Variants in TRPC7 observed in about 807,000 individuals in gnomAD.
TRPC7 encodes transient receptor potential cation channel subfamily C member 7.
A neutral mutation model predicts 90.1 loss-of-function variants in TRPC7; 42 were observed. The observed-to-expected ratio is 0.47, with a 90% CI of 0.36 to 0.60. The LOEUF is 0.60. TRPC7 is among the 20% of genes least tolerant of loss of function. TRPC7 has a pLI of 0.00. For synonymous variants in TRPC7, 451 were observed against 436.3 expected (o/e 1.03, Z -0.42); for missense variants, 955 against 1,112.3 (o/e 0.86, Z 2.01).
intron 3 of TRPC7, among the ~76,000 whole-genome samples, chr5:136,302,083 A>G (rs779912222): frequency 6.6e-6 from 1 of 151,982 alleles, no homozygotes; most frequent in Non-Finnish European, 1.5e-5. Flanking sequence ...CCTTCTCTTA[A>G]TTTCAATTCC....
At position 136,274,847 on chromosome 5, in the gene TRPC7, CAA is replaced by C; in HGVS notation, c.964-12_964-11del. On this transcript the variant is annotated splice_polypyrimidine_tract_variant and intron_variant, in intron 3 of 11. Coordinates refer to ENST00000513104, the MANE Select transcript of TRPC7 (RefSeq NM_020389.3). The stretch of plus-strand genomic sequence containing the variant: ...TAGGATGAGCAACGAACTGTAAAAA[CAA>C]AACAAAAACAAAAACAAAACGCAAA... The C allele has an allele frequency of 1.3e-6, 2 of 1,553,074 alleles. No individual in the cohort carries two copies. Among genetic ancestry groups the C allele is most frequent in the South Asian group, 2.4e-5 (2 of 84,160 alleles).
intron 2 of TRPC7, among the ~76,000 whole-genome samples, chr5:136,321,462 C>T (rs34723227): frequency 9.9e-5 from 15 of 152,262 alleles, no homozygotes; most frequent in Middle Eastern, 6.8e-3. Flanking sequence ...TCTTACGCAT[C>T]GCAGCTTTCC....
chr5:136,286,404 C>T (rs937411490), intron 3 of TRPC7, among the ~76,000 whole-genome samples: 6 of 152,194 alleles, frequency 3.9e-5, no homozygotes, highest in African/African-American at 9.7e-5. Flanking sequence ...TCAGTATCTC[C>T]TGAGACAGTT....
At chr5:136,356,320 A>G (rs1469403132) in intron 2 of TRPC7, among the ~76,000 whole-genome samples, 1 of 152,246 alleles carries the variant, frequency 6.6e-6, no homozygotes, top group African/African-American at 2.4e-5. Flanking sequence ...TTGACATCAG[A>G]ACCACAACAT....
Position 136,356,632 on chromosome 5 carries a change from T to C in TRPC7, c.756A>G (p.Leu252=). Residue 252 remains leucine, a synonymous_variant, in exon 2 of 12, where the codon CTA becomes CTG. Transcript: ENST00000513104. The part of the protein sequence containing the change: ...ALELSNELAR[L]ANIETEFKND... ...CCTTAAATTCAGTCTCAATGTTGGC[T>C]AGTCTGGCTAACTCGTTGCTGAGCT... 7 of 1,544,256 alleles carry C rather than the reference T, an allele frequency of 4.5e-6. No homozygotes were observed. Among genetic ancestry groups the C allele is most frequent in the Non-Finnish European group, 6.1e-6 (7 of 1,145,158 alleles).
intron 2 of TRPC7, among the ~76,000 whole-genome samples, chr5:136,329,476 G>A (rs998196589): frequency 1.5e-4 from 23 of 152,156 alleles, no homozygotes; most frequent in African/African-American, 5.1e-4. Context: ...CGGATATCAC[G>A]GGGTTTCCAA....
At chr5:136,342,770 A>G (rs1034604976) in intron 2 of TRPC7, among the ~76,000 whole-genome samples, 2 of 152,250 alleles carry the variant, frequency 1.3e-5, no homozygotes, top group African/African-American at 4.8e-5. Flanking sequence ...AGGATTCCAA[A>G]TTACTATACA....
At chr5:136,309,007 G>A (rs896037878) in intron 3 of TRPC7, among the ~76,000 whole-genome samples, 2 of 152,218 alleles carry the variant, frequency 1.3e-5, no homozygotes, top group Non-Finnish European at 2.9e-5. Context: ...GGAATAGAAG[G>A]AGGCAAGGGA....
At position 136,254,102 on chromosome 5, in the gene TRPC7, C is replaced by T. The variant is rs1338868751; in HGVS notation, c.1346-2220G>A. 6.6e-5 allele frequency among the ~76,000 whole-genome samples: 10 copies of T among 152,092 alleles called. No homozygotes were observed. The East Asian group carries it at 1.5e-3, about 23-fold the overall frequency. ...GAAAAGTTTGAAGCTAGCAGAGGTT[C>T]GTTCATAAGGTTTGAGGAAAGAAGC... On this transcript the variant is annotated intron_variant, in intron 5 of 11. Transcript: ENST00000513104.
chr5:136,265,260 C>T (rs1186209997), intron 5 of TRPC7, among the ~76,000 whole-genome samples: 1 of 152,098 alleles, frequency 6.6e-6, no homozygotes, highest in Admixed American at 6.5e-5. Flanking sequence ...AGGTGAATAC[C>T]ATTAAGCCAA....
At chr5:136,233,109 T>C (rs975562432) in intron 7 of TRPC7, among the ~76,000 whole-genome samples, 6 of 152,198 alleles carry the variant, frequency 3.9e-5, no homozygotes, top group Non-Finnish European at 8.8e-5. Flanking sequence ...CATGTGTGTG[T>C]GTCTACCCAG....
At chr5:136,297,226 C>A (rs1390676215) in intron 3 of TRPC7, among the ~76,000 whole-genome samples, 1 of 152,132 alleles carries the variant, frequency 6.6e-6, no homozygotes, top group East Asian at 1.9e-4. Context: ...GGATTCAGAT[C>A]TCTGTAACCT....
intron 9 of TRPC7, 125 bp downstream of exon 9, chr5:136,225,909 C>T: frequency 1.3e-6 from 1 of 751,022 alleles, no homozygotes; most frequent in Non-Finnish European, 2.2e-6. Flanking sequence ...AGAGTACCGG[C>T]CCTCCCAGCT....
chr5:136,285,148 G>A (rs1757669812), intron 3 of TRPC7, among the ~76,000 whole-genome samples: 1 of 152,148 alleles, frequency 6.6e-6, no homozygotes, highest in Non-Finnish European at 1.5e-5. Context: ...AGGAGTAATG[G>A]GTCTTGTGAG....
rs1452476875 is a variant in TRPC7 at position 136,251,667 on chromosome 5, C to G, written c.1561G>C (p.Val521Leu). The stretch of plus-strand genomic sequence containing the variant: ...GACTCACCGTAGGTGAAGTATGCCA[C>G]TTCCGGCGGAAGCGAGACATTGTGC... ...TLHNVSLPPEVAYFTYARDKW... is the reference protein window; with the variant it reads ...TLHNVSLPPELAYFTYARDKW... Residue 521 changes from valine (V) to leucine (L), a missense_variant, in exon 6 of 12, where the codon GTG becomes CTG. By Grantham distance (32) the Val-to-Leu change is conservative (BLOSUM62 1). Transcript: ENST00000513104. 6.2e-7 allele frequency: 1 copy of G among 1,608,452 alleles called. No individual in the cohort carries two copies. Among genetic ancestry groups the G allele is most frequent in the Non-Finnish European group, 8.5e-7 (1 of 1,175,894 alleles).
intron 2 of TRPC7, among the ~76,000 whole-genome samples, chr5:136,333,879 G>A (rs1759576345): frequency 6.6e-6 from 1 of 151,968 alleles, no homozygotes; most frequent in African/African-American, 2.4e-5. Flanking sequence ...ATCATGCATT[G>A]CCCATATAAT....
intron 2 of TRPC7, among the ~76,000 whole-genome samples, chr5:136,338,915 A>C (rs77310820): frequency 5.9e-5 from 9 of 152,228 alleles, no homozygotes; most frequent in Non-Finnish European, 7.3e-5. Flanking sequence ...TTGAAAAAAA[A>C]CCACAAAGAT....
chr5:136,357,301 G>T lies in TRPC7; in HGVS notation c.87C>A (p.Pro29=). Residue 29 remains proline, a synonymous_variant, in exon 2 of 12, where the codon CCC becomes CCA. Coordinates refer to ENST00000513104, the MANE Select transcript of TRPC7 (RefSeq NM_020389.3). ...TGCCCTTCTCGTTGAACATGTAGGC[G>T]GGACCCCGGATGGCCTGGCGACGGC... ...EKGRRQAIRG[P]AYMFNEKGTS... is the part of the protein sequence containing the mutation. 6.2e-7 allele frequency: 1 copy of T among 1,611,272 alleles called. No homozygotes were observed. Among genetic ancestry groups the T allele is most frequent in the South Asian group, 1.1e-5 (1 of 91,074 alleles).
chr5:136,252,667 C>T (rs1023534411), intron 5 of TRPC7, among the ~76,000 whole-genome samples: 8 of 152,098 alleles, frequency 5.3e-5, no homozygotes, highest in Admixed American at 2.0e-4. Context: ...GAAACTGTTC[C>T]ACCTCAGATC....
Sources: gnomAD v4.1 joint callset for allele counts (sites outside exome capture counted in the v4.1 genomes callset) on GRCh38, gnomAD v4.1.1 for gene constraint, MANE v1.5 for transcripts, NCBI Gene and HGNC (gene_info 2026-07-23, HGNC 2026-07-21) for gene names.